The following LIN7A variants were observed in gnomAD, a reference collection of about 807,000 sequenced individuals.
The protein encoded by LIN7A is lin-7 cell polarity scaffold A, also known as protein lin-7 homolog A.
Under a neutral mutation model 29.8 loss-of-function variants are expected in LIN7A, and 25 were observed. The ratio of observed to expected loss-of-function variants is 0.84; its 90% CI spans 0.61 to 1.17. LIN7A has a LOEUF of 1.17. Among genes scored for constraint, LIN7A ranks in the 50% most tolerant of loss-of-function variants. The pLI is 0.00. For synonymous variants in LIN7A, 118 were observed against 107.5 expected, an observed-to-expected ratio of 1.10 and a Z score of -0.60; for missense variants, 239 against 287.0, an observed-to-expected ratio of 0.83 and a Z score of 1.21.
intron 1 of LIN7A, among the ~76,000 whole-genome samples, chr12:80,900,642 G>GT (rs1385725674): frequency 6.6e-6 from 1 of 152,100 alleles, no homozygotes; most frequent in East Asian, 1.9e-4. Flanking sequence ...TATGATGTTG[G>GT]TTTTTTAATT....
At chr12:80,807,082 T>TTTTTTTTTTTTTTTTTTTTG (rs1555221398) in intron 5 of LIN7A, among the ~76,000 whole-genome samples, 1 of 134,584 alleles carries the variant, frequency 7.4e-6, no homozygotes, top group South Asian at 2.4e-4. Flanking sequence ...TTTTTTTTTT[T>TTTTTTTTTTTTTTTTTTTTG]TTTTTTTTTG....
intron 1 of LIN7A, among the ~76,000 whole-genome samples, chr12:80,911,268 A>AT (rs768907424): frequency 0.038 from 4,051 of 105,794 alleles, 139 homozygotes; most frequent in African/African-American, 0.097. Context: ...AAGTTTGTCT[A>AT]TTTTTTTTTT....
intron 2 of LIN7A, among the ~76,000 whole-genome samples, chr12:80,877,423 C>A (rs1473304592): frequency 6.6e-6 from 1 of 152,010 alleles, no homozygotes; most frequent in Admixed American, 6.6e-5. Context: ...AGAGAACATT[C>A]CCCAAATATT....
chr12:80,925,436 C>T (rs907055574), intron 1 of LIN7A, among the ~76,000 whole-genome samples: 1 of 152,166 alleles, frequency 6.6e-6, no homozygotes, highest in Non-Finnish European at 1.5e-5. Context: ...ATTCTCTGTC[C>T]TTGTCTCTTG....
intron 5 of LIN7A, among the ~76,000 whole-genome samples, chr12:80,799,692 A>T (rs2400837): frequency 0.34 from 51,727 of 152,092 alleles, 9,543 homozygotes; most frequent in Non-Finnish European, 0.43. Flanking sequence ...GGAAACTAGA[A>T]AAAGGGCAAA....
At chr12:80,809,082 T>C (rs1592850632) in intron 5 of LIN7A, among the ~76,000 whole-genome samples, 1 of 151,514 alleles carries the variant, frequency 6.6e-6, no homozygotes, top group South Asian at 2.1e-4. Context: ...ATCTCCTGGG[T>C]TCAAGCAATT....
intron 4 of LIN7A, among the ~76,000 whole-genome samples, chr12:80,825,819 A>C (rs543806116): frequency 8.6e-4 from 131 of 152,314 alleles, no homozygotes; most frequent in African/African-American, 3.1e-3. Flanking sequence ...AGAGACAACA[A>C]TAGATTGCTG....
rs71094991 is a variant in LIN7A, at chr12:80,807,063, GTT to G, written c.*4400_*4401del. Among the ~76,000 whole-genome samples the G allele has an allele frequency of 5.2e-4, 28 of 53,584 alleles. 1 individual carries two copies. The highest frequency in any genetic ancestry group is 2.1e-3 in the African/African-American group (24 of 11,534). The allele number at this position is 53,584 out of a possible 152,430, so 35.2% of individuals were successfully genotyped here. A position where few individuals can be genotyped will look rare whatever the true frequency, so the allele number is the denominator to read the frequency against. On this transcript the variant is annotated intron_variant, in intron 5 of 5. Coordinates refer to ENST00000552864, the MANE Select transcript of LIN7A (RefSeq NM_004664.4). ...CCATAGGAAATTTAATGAAGATGGAGTTTTTTTTTTTTTTTTTTTTTTTTTTT... is the reference window on the plus strand; with the variant it reads ...CCATAGGAAATTTAATGAAGATGGAGTTTTTTTTTTTTTTTTTTTTTTTTT...
intron 4 of LIN7A, among the ~76,000 whole-genome samples, chr12:80,818,344 T>C (rs1039276634): frequency 6.6e-6 from 1 of 152,190 alleles, no homozygotes; most frequent in African/African-American, 2.4e-5. Context: ...ATGTATACTG[T>C]AGTTTTTATT....
At chr12:80,820,572 T>C (rs1395153381) in intron 4 of LIN7A, among the ~76,000 whole-genome samples, 1 of 151,734 alleles carries the variant, frequency 6.6e-6, no homozygotes, top group Admixed American at 6.6e-5. Flanking sequence ...TGCTTGATCC[T>C]TGATGTCTGC....
chr12:80,842,047 G>C, intron 4 of LIN7A: 5 of 1,284,754 alleles, frequency 3.9e-6, no homozygotes, highest in Non-Finnish European at 5.1e-6. Context: ...ATTTCTCTTG[G>C]TGCCTAGGGA....
intron 1 of LIN7A, among the ~76,000 whole-genome samples, chr12:80,895,952 G>A (rs75416459): frequency 0.055 from 8,309 of 152,252 alleles, 257 homozygotes; most frequent in Admixed American, 0.096. Flanking sequence ...AAAAATATAT[G>A]CTTCACTATT....
intron 1 of LIN7A, among the ~76,000 whole-genome samples, chr12:80,893,146 C>G (rs1269365921): frequency 6.6e-6 from 1 of 152,062 alleles, no homozygotes; most frequent in Non-Finnish European, 1.5e-5. Flanking sequence ...TTCCAGAATT[C>G]CAGAAACCCT....
chr12:80,888,709 AT>A (rs1479470347), intron 2 of LIN7A, among the ~76,000 whole-genome samples: 1 of 152,180 alleles, frequency 6.6e-6, no homozygotes, highest in Non-Finnish European at 1.5e-5. Flanking sequence ...TCAATACAAA[AT>A]TCAAATAGTC....
At chr12:80,811,398 T>C (rs1871277563) in intron 5 of LIN7A, 67 bp downstream of exon 5, 1 of 610,074 alleles carries the variant, frequency 1.6e-6, no homozygotes, top group East Asian at 2.9e-5. Context: ...AGTATATTCA[T>C]ATATACATAT....
intron 2 of LIN7A, among the ~76,000 whole-genome samples, chr12:80,874,283 T>C (rs568709341): frequency 6.6e-6 from 1 of 152,330 alleles, no homozygotes; most frequent in Non-Finnish European, 1.5e-5. Context: ...AGTGCTAACT[T>C]ACTAAGAAAA....
At chr12:80,896,578 G>A (rs1360320907) in intron 1 of LIN7A, among the ~76,000 whole-genome samples, 1 of 152,150 alleles carries the variant, frequency 6.6e-6, no homozygotes. Flanking sequence ...GCTTTAATCT[G>A]CCAACAACTT....
intron 1 of LIN7A, among the ~76,000 whole-genome samples, chr12:80,902,184 C>T (rs1592937392): frequency 6.9e-6 from 1 of 144,084 alleles, no homozygotes. Flanking sequence ...GGCTTTTTTT[C>T]TGAGTTTTCT....
intron 4 of LIN7A, 89 bp from the exon 5 acceptor site, chr12:80,811,772 C>A: frequency 2.0e-6 from 3 of 1,467,200 alleles, no homozygotes; most frequent in South Asian, 2.7e-5. Context: ...CATTAAGAAC[C>A]CAAAATTTAA....
Sources: allele counts gnomAD v4.1 joint callset (sites outside exome capture counted in the v4.1 genomes callset), GRCh38; gene constraint gnomAD v4.1.1; transcripts MANE v1.5; gene names NCBI Gene and HGNC (gene_info 2026-07-23, HGNC 2026-07-21).